The following CDH18 variants were observed in gnomAD, a reference collection of about 807,000 sequenced individuals.
CDH18 encodes cadherin 18.
Under a neutral mutation model 67.9 loss-of-function variants are expected in CDH18, and 31 were observed. That is an observed-to-expected ratio of 0.46 (90% CI 0.34 to 0.62). The LOEUF (loss-of-function observed/expected upper bound fraction) is 0.62, where lower values mean the gene tolerates loss of function less well. Among genes scored for constraint, CDH18 ranks in the 20% least tolerant of loss-of-function variants. CDH18 has a pLI of 0.01. For synonymous variants in CDH18, 362 were observed against 347.2 expected (o/e 1.04, Z -0.48); for missense variants, 890 against 975.5 (o/e 0.91, Z 1.17).
At chr5:20,182,064 T>C (rs1330396557) in intron 2 of CDH18, among the ~76,000 whole-genome samples, 2 of 152,284 alleles carry the variant, frequency 1.3e-5, no homozygotes, top group East Asian at 3.9e-4. Flanking sequence ...AATCTGTCTT[T>C]GAAAATTATT....
At chr5:19,897,365 C>T (rs1054343971) in intron 2 of CDH18, among the ~76,000 whole-genome samples, 38 of 152,108 alleles carry the variant, frequency 2.5e-4, no homozygotes, top group African/African-American at 8.7e-4. Flanking sequence ...TGAATGAAGA[C>T]CACAAGGTGA....
At chr5:19,850,214 A>G (rs1464422258) in intron 2 of CDH18, among the ~76,000 whole-genome samples, 1 of 151,940 alleles carries the variant, frequency 6.6e-6, no homozygotes, top group African/African-American at 2.4e-5. Context: ...TATTTTTGTT[A>G]TATAGATACA....
At chr5:19,564,645 A>G (rs1272591076) in intron 8 of CDH18, among the ~76,000 whole-genome samples, 1 of 152,078 alleles carries the variant, frequency 6.6e-6, no homozygotes, top group Admixed American at 6.6e-5. Context: ...TATGGTGGCT[A>G]TGGGGAGAGA....
intron 8 of CDH18, among the ~76,000 whole-genome samples, chr5:19,553,601 C>T (rs997629260): frequency 6.8e-6 from 1 of 147,308 alleles, no homozygotes; most frequent in African/African-American, 2.6e-5. Context: ...CAATACATAC[C>T]CTGTGAGATA....
intron 9 of CDH18, among the ~76,000 whole-genome samples, chr5:19,523,795 C>T (rs1747311980): frequency 6.6e-6 from 1 of 152,014 alleles, no homozygotes; most frequent in African/African-American, 2.4e-5. Context: ...TATAGGAAAA[C>T]TCTTGAATAT....
chr5:19,957,006 C>T (rs1016485824), intron 2 of CDH18, among the ~76,000 whole-genome samples: 5 of 151,916 alleles, frequency 3.3e-5, no homozygotes, highest in African/African-American at 7.3e-5. Flanking sequence ...ATACCACTTA[C>T]TTACATACTA....
chr5:20,152,359 T>C (rs921710130), intron 2 of CDH18, among the ~76,000 whole-genome samples: 1 of 150,686 alleles, frequency 6.6e-6, no homozygotes, highest in African/African-American at 2.4e-5. Context: ...TTTTCAATAT[T>C]GGCATTCCTT....
intron 4 of CDH18, among the ~76,000 whole-genome samples, chr5:19,728,427 G>A (rs143857537): frequency 1.6e-3 from 240 of 152,198 alleles, no homozygotes; most frequent in Admixed American, 3.5e-3. Context: ...ATACAAATCT[G>A]AGAAAGATTT....
intron 1 of CDH18, among the ~76,000 whole-genome samples, chr5:20,552,989 G>A (rs1757719882): frequency 6.6e-6 from 1 of 152,048 alleles, no homozygotes; most frequent in South Asian, 2.1e-4. Flanking sequence ...TCCTGACCTC[G>A]TGATACGCCC....
chr5:20,166,155 C>T (rs1313258564), intron 2 of CDH18, among the ~76,000 whole-genome samples: 1 of 151,844 alleles, frequency 6.6e-6, no homozygotes, highest in East Asian at 1.9e-4. Context: ...AAAATAAAAG[C>T]TCTGGCCAGG....
intron 1 of CDH18, among the ~76,000 whole-genome samples, chr5:20,459,934 G>GT (rs141563744): frequency 0.013 from 1,997 of 152,204 alleles, 38 homozygotes; most frequent in African/African-American, 0.045. Flanking sequence ...AGAATTTTAA[G>GT]TAATTGTATT....
At chr5:20,032,484 G>A (rs1739490781) in intron 2 of CDH18, among the ~76,000 whole-genome samples, 1 of 151,972 alleles carries the variant, frequency 6.6e-6, no homozygotes, top group African/African-American at 2.4e-5. Flanking sequence ...ATCAAGATTT[G>A]GAGAGTTTGT....
chr5:19,550,424 C>T (rs1238941982), intron 8 of CDH18, among the ~76,000 whole-genome samples: 1 of 151,990 alleles, frequency 6.6e-6, no homozygotes, highest in Non-Finnish European at 1.5e-5. Context: ...TCCCCCCACC[C>T]CACAACAGTC....
intron 1 of CDH18, among the ~76,000 whole-genome samples, chr5:20,388,371 T>G (rs1170200250): frequency 6.6e-6 from 1 of 152,186 alleles, no homozygotes; most frequent in East Asian, 1.9e-4. Context: ...GTTTATAGTA[T>G]TTTCTGATGG....
chr5:20,010,155 A>C (rs1308382617), intron 2 of CDH18, among the ~76,000 whole-genome samples: 5 of 123,312 alleles, frequency 4.1e-5, no homozygotes, highest in Middle Eastern at 5.0e-3. Context: ...ACCTAGTGGA[A>C]AGTGGTGTGT....
intron 2 of CDH18, among the ~76,000 whole-genome samples, chr5:20,030,566 T>C (rs1739309052): frequency 6.6e-6 from 1 of 152,138 alleles, no homozygotes; most frequent in South Asian, 2.1e-4. Flanking sequence ...AGAGAAGTGA[T>C]GCTGGATTAA....
chr5:20,443,198 A>G (rs1581007904), intron 1 of CDH18, among the ~76,000 whole-genome samples: 1 of 99,942 alleles, frequency 1.0e-5, no homozygotes, highest in East Asian at 3.4e-4. Flanking sequence ...TGATAGAGCG[A>G]GACTCCGTCA....
intron 1 of CDH18, among the ~76,000 whole-genome samples, chr5:20,513,520 G>T (rs571558965): frequency 3.9e-5 from 6 of 152,206 alleles, no homozygotes; most frequent in African/African-American, 1.4e-4. Flanking sequence ...AATAAACAAT[G>T]CATCACAAAC....
chr5:19,769,352 T>C (rs1773472798), intron 3 of CDH18, among the ~76,000 whole-genome samples: 1 of 152,108 alleles, frequency 6.6e-6, no homozygotes, highest in Non-Finnish European at 1.5e-5. Context: ...GAACAGCTGA[T>C]TTCTAATAAA....
Sources: allele counts gnomAD v4.1 joint callset (sites outside exome capture counted in the v4.1 genomes callset), GRCh38; gene constraint gnomAD v4.1.1; transcripts MANE v1.5; gene names NCBI Gene and HGNC (gene_info 2026-07-23, HGNC 2026-07-21).